TAF1: variants seen among roughly 807,000 people sequenced by gnomAD.
TAF1 encodes the protein transcription initiation factor TFIID subunit 1.
In TAF1, 2 loss-of-function variants were observed where a neutral mutation model predicts 138.5. The ratio of observed to expected loss-of-function variants is 0.01; its 90% CI spans 0.01 to 0.05. TAF1 has a LOEUF of 0.05. Among genes scored for constraint, TAF1 ranks in the 10% least tolerant of loss-of-function variants. The pLI is 1.00. For synonymous variants in TAF1, 437 were observed against 503.2 expected, an observed-to-expected ratio of 0.87 and a Z score of 1.76; for missense variants, 709 against 1,478.0, an observed-to-expected ratio of 0.48 and a Z score of 8.53.
intron 34 of TAF1, among the ~76,000 whole-genome samples, chrX:71,455,234 TC>T (rs1437208883): frequency 9.0e-6 from 1 of 111,499 alleles, no homozygotes; most frequent in Non-Finnish European, 1.9e-5. Flanking sequence ...GCCATATTGT[TC>T]CTGTGCCTTA....
At chrX:71,421,423 G>T in intron 29 of TAF1, 47 bp downstream of exon 29, 1 of 948,856 alleles carries the variant, frequency 1.1e-6, no homozygotes, top group Non-Finnish European at 1.5e-6. Context: ...TGAAGGTGGG[G>T]GTGGGATATC....
exon 14 of TAF1, chrX:71,528,571 A>G (rs2040040738): frequency 3.0e-6 from 1 of 330,974 alleles, no homozygotes; most frequent in Admixed American, 3.1e-5. Flanking sequence ...TCAGAGATGG[A>G]TCCACAAAGA....
At chrX:71,388,601 G>T in intron 16 of TAF1, 137 bp from the exon 17 acceptor site, 8 of 955,749 alleles carry the variant, frequency 8.4e-6, no homozygotes, top group Middle Eastern at 3.6e-4. Context: ...CTTAGCAGCT[G>T]GGGTTTTCTT....
intron 13 of TAF1, among the ~76,000 whole-genome samples, chrX:71,508,763 C>T (rs997653645): frequency 2.8e-5 from 3 of 105,276 alleles, no homozygotes; most frequent in African/African-American, 6.9e-5. Context: ...TGTGTGTGTG[C>T]GCGCATATGC....
exon 15 of TAF1, chrX:71,529,985 G>T: frequency 5.7e-6 from 1 of 176,872 alleles, no homozygotes; most frequent in South Asian, 9.9e-5. Context: ...CTTTTGTTTT[G>T]CAGAAAGCTG....
intron 28 of TAF1, among the ~76,000 whole-genome samples, chrX:71,420,808 G>A (rs1455372295): frequency 8.9e-6 from 1 of 112,482 alleles, no homozygotes; most frequent in African/African-American, 3.2e-5. Flanking sequence ...GCTCCGGCTC[G>A]GGGTCCAGCG....
At chrX:71,380,433 T>A (rs2033806203) in intron 8 of TAF1, among the ~76,000 whole-genome samples, 1 of 111,370 alleles carries the variant, frequency 9.0e-6, no homozygotes, top group South Asian at 3.7e-4. Flanking sequence ...TTATTTTAAT[T>A]AAATTATTAT....
chrX:71,468,643 C>A (rs1018635547), downstream of TAF1, among the ~76,000 whole-genome samples: 1 of 104,616 alleles, frequency 9.6e-6, no homozygotes, highest in Non-Finnish European at 2.0e-5. Flanking sequence ...CGAGATCACG[C>A]CACTGCACTC....
chrX:71,439,199 T>C lies in TAF1; in HGVS notation c.4753+14961T>C, dbSNP rs1200419312. ...CTCCTATCCTTCCTTATTCCAACTT[T>C]CTCCCTCTCTCCTTCTTTACTTGAA... On this transcript the variant is annotated intron_variant, in intron 32 of 37. Transcript: ENST00000423759. Among the ~76,000 whole-genome samples the C allele has an allele frequency of 2.7e-5, 3 of 111,489 alleles. No homozygotes were observed. The East Asian group carries it at 8.4e-4, about 31-fold the overall frequency.
intron 32 of TAF1, among the ~76,000 whole-genome samples, chrX:71,436,488 G>T (rs2037152930): frequency 9.2e-6 from 1 of 109,039 alleles, no homozygotes; most frequent in South Asian, 4.0e-4. Context: ...GTGTTTACAG[G>T]CATGAGCCAC....
intron 22 of TAF1, among the ~76,000 whole-genome samples, chrX:71,395,558 A>G (rs759129588): frequency 1.4e-4 from 15 of 110,948 alleles, no homozygotes; most frequent in African/African-American, 4.9e-4. Flanking sequence ...TCCCTTTGAC[A>G]CCCTTGAAGT....
At chrX:71,379,829 C>T (rs1307431914) in intron 8 of TAF1, among the ~76,000 whole-genome samples, 9 of 109,889 alleles carry the variant, frequency 8.2e-5, no homozygotes, top group Non-Finnish European at 1.3e-4. Context: ...CTCGAACTCC[C>T]GACCTTAGGT....
In TAF1 at chrX:71,503,277, A is replaced by AAT. The variant is rs1166964675; in HGVS notation, c.1367-25248_1367-25247dup. ...CAGAGTGAGACTGTCTCAAAAAAAA[A>AAT]ATATATATATATATATATGTGTATA... is the stretch of plus-strand genomic sequence containing the variant. On this transcript the variant is annotated intron_variant and NMD_transcript_variant, in intron 13 of 14. Transcript: ENST00000373775. Among the ~76,000 whole-genome samples, 527 of 90,132 alleles carry AAT rather than the reference A, an allele frequency of 5.8e-3. 9 individuals are homozygous for AAT. Among genetic ancestry groups the AAT allele is most frequent in the African/African-American group, 0.017 (377 of 22,130 alleles). The allele number at this position is 90,132 out of a possible 115,157, so 78.3% of individuals were successfully genotyped here. A position where few individuals can be genotyped will look rare whatever the true frequency, so the allele number is the denominator to read the frequency against.
intron 24 of TAF1, among the ~76,000 whole-genome samples, chrX:71,399,360 G>A (rs1292363741): frequency 2.0e-5 from 2 of 101,915 alleles, no homozygotes; most frequent in East Asian, 3.1e-4. Context: ...GGGTTCAAGC[G>A]ATTTTCCTGC....
At chrX:71,448,032 GA>G (rs1329864204) in intron 32 of TAF1, among the ~76,000 whole-genome samples, 1 of 111,867 alleles carries the variant, frequency 8.9e-6, no homozygotes, top group African/African-American at 3.2e-5. Flanking sequence ...AATATACTCA[GA>G]AAAAACATTC....
intron 5 of TAF1, 75 bp downstream of exon 5, chrX:71,377,266 T>G (rs1269552617): frequency 8.5e-7 from 1 of 1,175,076 alleles, no homozygotes; most frequent in East Asian, 3.0e-5. Context: ...GTTAAGATGC[T>G]GAGTATGGAA....
intron 13 of TAF1, among the ~76,000 whole-genome samples, chrX:71,515,875 G>A: frequency 9.0e-6 from 1 of 111,137 alleles, no homozygotes; most frequent in Non-Finnish European, 1.9e-5. Context: ...ATTATCTTGG[G>A]TAAGCCTGAC....
At chrX:71,453,705 T>C (rs1335431099) in intron 32 of TAF1, among the ~76,000 whole-genome samples, 1 of 109,896 alleles carries the variant, frequency 9.1e-6, no homozygotes, top group African/African-American at 3.3e-5. Flanking sequence ...CATAATTGTT[T>C]GTTAAAAGCA....
chrX:71,369,217 G>C (rs148220767), intron 3 of TAF1, among the ~76,000 whole-genome samples: 1 of 110,985 alleles, frequency 9.0e-6, no homozygotes, highest in Non-Finnish European at 1.9e-5. Context: ...GATTGGTTTC[G>C]AACTCCTTAC....
Sources: gnomAD v4.1 joint callset for allele counts (sites outside exome capture counted in the v4.1 genomes callset) on GRCh38, gnomAD v4.1.1 for gene constraint, MANE v1.5 for transcripts, NCBI Gene and HGNC (gene_info 2026-07-23, HGNC 2026-07-21) for gene names.